TBX20: variants seen among roughly 807,000 people sequenced by gnomAD.
TBX20 encodes T-box transcription factor TBX20.
TBX20 carries 8 observed loss-of-function variants against 42.9 expected under a neutral mutation model. The observed-to-expected ratio is 0.19, with a 90% CI of 0.11 to 0.34. TBX20 has a LOEUF of 0.34. TBX20 is among the 10% of genes least tolerant of loss of function. TBX20 has a pLI of 1.00. For missense variants in TBX20, 411 were observed against 566.0 expected (o/e 0.73, Z 2.78); for synonymous variants, 198 against 222.8 (o/e 0.89, Z 0.99).
intron 6 of TBX20, among the ~76,000 whole-genome samples, chr7:35,210,401 C>A (rs1428422268): frequency 6.6e-6 from 1 of 152,086 alleles, no homozygotes; most frequent in East Asian, 1.9e-4. Context: ...AGGTGTGAGC[C>A]ACCGTGCCTG....
At chr7:35,246,613 A>G (rs1182390449) in intron 3 of TBX20, among the ~76,000 whole-genome samples, 1 of 152,148 alleles carries the variant, frequency 6.6e-6, no homozygotes, top group Non-Finnish European at 1.5e-5. Flanking sequence ...CTTGCTTATT[A>G]TTACAATCAA....
rs192818163 is a variant in TBX20, at chr7:35,219,099, T to G, written c.890+12405A>C. 7.8e-4 allele frequency among the ~76,000 whole-genome samples: 119 copies of G among 152,294 alleles called. 1 individual carries two copies. The highest frequency in any genetic ancestry group is 1.4e-3 in the Admixed American group (21 of 15,304). On this transcript the variant is annotated intron_variant, in intron 6 of 7. Transcript: ENST00000408931. ...TAAGATACATCTAAGCACCACTGTATTCCTGGATCCTATCCCTCCAAGCAG... is the reference window on the plus strand; with the variant it reads ...TAAGATACATCTAAGCACCACTGTAGTCCTGGATCCTATCCCTCCAAGCAG...
At chr7:35,241,640 G>A (rs777406614) in intron 4 of TBX20, among the ~76,000 whole-genome samples, 1 of 152,130 alleles carries the variant, frequency 6.6e-6, no homozygotes, top group African/African-American at 2.4e-5. Context: ...CTCAGTAAAT[G>A]TGAACTGTAT....
chr7:35,241,049 AG>A lies in TBX20; in HGVS notation c.655-13del, dbSNP rs749261695. ...GAGTTCAAAATTATCTACAACAAAAAGATGGGAAGTACTGAATTTTACATAC... is the reference window on the plus strand; with the variant it reads ...GAGTTCAAAATTATCTACAACAAAAAATGGGAAGTACTGAATTTTACATAC... On this transcript the variant is annotated splice_polypyrimidine_tract_variant and intron_variant, in intron 4 of 7. Coordinates refer to ENST00000408931, the MANE Select transcript of TBX20 (RefSeq NM_001077653.2). The A allele has an allele frequency of 1.6e-4, 258 of 1,613,534 alleles. 1 individual carries two copies. The Admixed American group carries it at 4.2e-3, about 26-fold the overall frequency.
chr7:35,229,633 G>A (rs1416194574), intron 6 of TBX20, among the ~76,000 whole-genome samples: 7 of 152,152 alleles, frequency 4.6e-5, no homozygotes, highest in East Asian at 1.9e-4. Flanking sequence ...CAAATCTGCC[G>A]TTGTAAAGAG....
At chr7:35,248,633 G>C in intron 3 of TBX20, 44 bp downstream of exon 3, 3 of 1,600,824 alleles carry the variant, frequency 1.9e-6, no homozygotes, top group Non-Finnish European at 2.6e-6. Context: ...CATTCTGACA[G>C]ATGCACTAAC....
chr7:35,204,484 G>A lies in TBX20; in HGVS notation c.989C>T (p.Thr330Ile), dbSNP rs1789365576. Residue 330 changes from threonine to isoleucine, a missense_variant, in exon 7 of 8, where the codon ACA (threonine) becomes ATA (isoleucine). Transcript: ENST00000408931. ...AACTACCTTACCTCGATTTGGGGTT[G>A]TCTGACTCTCATCCCCCAAGACATC... is the stretch of plus-strand genomic sequence containing the variant. Reference protein sequence around the residue: ...EEDVLGDESQTTPNRGSAFTT... With the variant: ...EEDVLGDESQITPNRGSAFTT... 1 of 1,612,672 alleles carries A rather than the reference G, an allele frequency of 6.2e-7. No homozygotes were observed. The highest frequency in any genetic ancestry group is 1.1e-5 in the South Asian group (1 of 90,990).
At chr7:35,248,957 T>C in intron 2 of TBX20, 116 bp from the exon 3 acceptor site, 2 of 1,219,872 alleles carry the variant, frequency 1.6e-6, no homozygotes, top group Admixed American at 1.9e-5. Flanking sequence ...CTCCCCTCTC[T>C]ATCCGGTCCA....
intron 6 of TBX20, among the ~76,000 whole-genome samples, chr7:35,208,571 C>G (rs1469156675): frequency 6.6e-6 from 1 of 151,586 alleles, no homozygotes; most frequent in South Asian, 2.1e-4. Flanking sequence ...GGAGAAACCC[C>G]GTCTCTACTA....
chr7:35,236,701 T>C (rs1254640042), intron 5 of TBX20, among the ~76,000 whole-genome samples: 4 of 152,188 alleles, frequency 2.6e-5, no homozygotes, highest in Non-Finnish European at 4.4e-5. Flanking sequence ...ATTTCTATTT[T>C]AAAGGCATAT....
At position 35,210,178 on chromosome 7, in the gene TBX20, A is replaced by C. The variant is rs541685979; in HGVS notation, c.891-5596T>G. ...CGCCCAGGCTGGAGTGCAGTGGCGC[A>C]ATCTCAGCTCACTGCAAGCTCTGCC... On this transcript the variant is annotated intron_variant, in intron 6 of 7. Coordinates refer to ENST00000408931, the MANE Select transcript of TBX20 (RefSeq NM_001077653.2). 4.1e-4 allele frequency among the ~76,000 whole-genome samples: 61 copies of C among 148,492 alleles called. No homozygotes were observed. In the East Asian group the frequency reaches 0.012, roughly 29 times the overall value.
chr7:35,253,409 T>C (rs1790342524), intron 1 of TBX20, 85 bp downstream of exon 1: 2 of 1,496,704 alleles, frequency 1.3e-6, no homozygotes, highest in East Asian at 2.4e-5. Context: ...GCATCAGACG[T>C]TGCTGCGAGC....
intron 5 of TBX20, among the ~76,000 whole-genome samples, chr7:35,235,173 C>G (rs145593380): frequency 1.3e-5 from 2 of 150,734 alleles, no homozygotes; most frequent in African/African-American, 4.9e-5. Context: ...GGTAATCATA[C>G]GTTTTAAAAG....
Position 35,202,472 on chromosome 7 carries a change from T to C in TBX20, c.1302A>G (p.Gln434=), listed in dbSNP as rs746794468. The change falls in exon 8 of 8, where the codon CAA becomes CAG. Residue 434 remains glutamine (Q), a synonymous_variant. Transcript: ENST00000408931. The part of the protein sequence containing the change: ...YFQQGPYAAI[Q]GLRHSSAVMT... ...TCACAGCAGAGGAATGGCGTAGTCC[T>C]TGAATGGCAGCATAGGGCCCCTGCT... The C allele has an allele frequency of 1.3e-5, 21 of 1,606,208 alleles. No homozygotes were observed. In the Admixed American group the frequency reaches 2.2e-4, roughly 17 times the overall value.
chr7:35,252,032 T>G (rs1790315190), intron 1 of TBX20, among the ~76,000 whole-genome samples: 1 of 152,144 alleles, frequency 6.6e-6, no homozygotes, highest in African/African-American at 2.4e-5. Flanking sequence ...TTTAGAATTT[T>G]CGATATAAGG....
chr7:35,244,024 A>G (rs1395740762), intron 4 of TBX20, among the ~76,000 whole-genome samples: 1 of 152,228 alleles, frequency 6.6e-6, no homozygotes, highest in Non-Finnish European at 1.5e-5. Context: ...TCTAAATTGC[A>G]TAGATTTGAT....
In TBX20 at chr7:35,245,043, G is replaced by A. The variant is rs1473902971; in HGVS notation, c.560C>T (p.Pro187Leu). The change falls in exon 4 of 8, where the codon CCA becomes CTA. Residue 187 changes from proline to leucine, a missense_variant. By Grantham distance (98) the Pro-to-Leu change is moderately conservative. Transcript: ENST00000408931. ...PPLPARLYVHPDSPFTGEQLL... is the reference protein window; with the variant it reads ...PPLPARLYVHLDSPFTGEQLL... ...TTGCTCACCGGTAAAAGGAGAATCTGGATGCACATAGAGCCTAAGAAAATT... is the reference window on the plus strand; with the variant it reads ...TTGCTCACCGGTAAAAGGAGAATCTAGATGCACATAGAGCCTAAGAAAATT... The A allele has an allele frequency of 1.2e-6, 2 of 1,612,810 alleles. No homozygotes were observed. The highest frequency in any genetic ancestry group is 1.7e-6 in the Non-Finnish European group (2 of 1,179,132).
At chr7:35,222,638 A>C (rs771400399) in intron 6 of TBX20, among the ~76,000 whole-genome samples, 2 of 152,208 alleles carry the variant, frequency 1.3e-5, no homozygotes, top group Non-Finnish European at 2.9e-5. Flanking sequence ...AACAAAACAC[A>C]AAGGCTTTGA....
chr7:35,235,982 G>A (rs1325639517), intron 5 of TBX20, among the ~76,000 whole-genome samples: 1 of 151,992 alleles, frequency 6.6e-6, no homozygotes, highest in Non-Finnish European at 1.5e-5. Context: ...GCAATGGTCT[G>A]CCTGCTCAAA....
Sources: allele counts gnomAD v4.1 joint callset (sites outside exome capture counted in the v4.1 genomes callset), GRCh38; gene constraint gnomAD v4.1.1; transcripts MANE v1.5; gene names NCBI Gene and HGNC (gene_info 2026-07-23, HGNC 2026-07-21).